The following GABRG3 variants were observed in gnomAD, a reference collection of about 807,000 sequenced individuals.
GABRG3 encodes the protein gamma-aminobutyric acid receptor subunit gamma-3.
A neutral mutation model predicts 48.8 loss-of-function variants in GABRG3; 25 were observed. The ratio of observed to expected loss-of-function variants is 0.51; its 90% CI spans 0.37 to 0.72. The LOEUF (loss-of-function observed/expected upper bound fraction) is 0.72. Among genes scored for constraint, GABRG3 ranks in the 30% least tolerant of loss-of-function variants. The pLI, the probability that GABRG3 is intolerant of heterozygous loss-of-function variation, is 0.00. For missense variants in GABRG3, 394 were observed against 577.9 expected, an observed-to-expected ratio of 0.68 and a Z score of 3.26; for synonymous variants, 227 against 217.6, an observed-to-expected ratio of 1.04 and a Z score of -0.38.
At chr15:27,404,642 T>C (rs1010242903) in intron 5 of GABRG3, among the ~76,000 whole-genome samples, 10 of 152,170 alleles carry the variant, frequency 6.6e-5, no homozygotes, top group Non-Finnish European at 1.3e-4. Flanking sequence ...GTGGGCGTTC[T>C]CTACTTGGGG....
At chr15:27,477,597 T>C (rs1461720876) in intron 5 of GABRG3, among the ~76,000 whole-genome samples, 1 of 152,174 alleles carries the variant, frequency 6.6e-6, no homozygotes, top group Non-Finnish European at 1.5e-5. Context: ...ACATGATTAA[T>C]CAATTGTAAC....
chr15:27,187,330 G>A (rs113773927), intron 3 of GABRG3, among the ~76,000 whole-genome samples: 3 of 152,106 alleles, frequency 2.0e-5, no homozygotes, highest in African/African-American at 7.2e-5. Context: ...CTGTAGCCTT[G>A]TAGTATAGTT....
chr15:27,065,704 T>C (rs531959645), intron 3 of GABRG3, among the ~76,000 whole-genome samples: 2 of 152,376 alleles, frequency 1.3e-5, no homozygotes, highest in South Asian at 4.1e-4. Context: ...CTGAGCAGCC[T>C]TCCGGCAGTC....
At chr15:27,311,252 C>T (rs1892981741) in intron 3 of GABRG3, among the ~76,000 whole-genome samples, 1 of 151,658 alleles carries the variant, frequency 6.6e-6, no homozygotes, top group Non-Finnish European at 1.5e-5. Context: ...AAACTACCCA[C>T]ATCAAAGTCA....
At chr15:27,020,774 C>T (rs1387176425) in intron 2 of GABRG3, among the ~76,000 whole-genome samples, 5 of 152,104 alleles carry the variant, frequency 3.3e-5, no homozygotes, top group East Asian at 3.9e-4. Flanking sequence ...CATTTGCTCT[C>T]GCGATGTCAC....
At chr15:27,200,010 T>A (rs1217757757) in intron 3 of GABRG3, among the ~76,000 whole-genome samples, 1 of 151,954 alleles carries the variant, frequency 6.6e-6, no homozygotes, top group Non-Finnish European at 1.5e-5. Context: ...CCTAGCTTTC[T>A]CCTTTCCTTC....
chr15:27,275,202 G>C (rs1891214000), intron 3 of GABRG3, among the ~76,000 whole-genome samples: 1 of 152,198 alleles, frequency 6.6e-6, no homozygotes, highest in African/African-American at 2.4e-5. Flanking sequence ...CAAATGTTAA[G>C]TAGATTTGCA....
chr15:27,389,418 T>G (rs182795761), intron 5 of GABRG3, among the ~76,000 whole-genome samples: 157 of 152,328 alleles, frequency 1.0e-3, no homozygotes, highest in African/African-American at 3.4e-3. Context: ...GAACACACCA[T>G]ATGCTCAAGT....
At chr15:27,254,499 T>C (rs1890552727) in intron 3 of GABRG3, among the ~76,000 whole-genome samples, 1 of 152,112 alleles carries the variant, frequency 6.6e-6, no homozygotes, top group Non-Finnish European at 1.5e-5. Flanking sequence ...TGGGGTATCT[T>C]ATACACAACA....
At chr15:27,532,134 A>G (rs1891437014) in intron 9 of GABRG3, among the ~76,000 whole-genome samples, 1 of 152,210 alleles carries the variant, frequency 6.6e-6, no homozygotes. Flanking sequence ...ATATATGTCC[A>G]TACTTACTAC....
chr15:27,329,030 C>A (rs1306570728), intron 5 of GABRG3, 142 bp downstream of exon 5: 1 of 730,476 alleles, frequency 1.4e-6, no homozygotes, highest in East Asian at 2.7e-5. Flanking sequence ...GTATTGACCA[C>A]CTGGGTGTTT....
intron 3 of GABRG3, among the ~76,000 whole-genome samples, chr15:27,087,794 A>ATG (rs10684926): frequency 0.22 from 33,641 of 150,720 alleles, 3,881 homozygotes; most frequent in Middle Eastern, 0.3. Context: ...GTGTGTATGA[A>ATG]TGTGATGTGT....
chr15:27,469,241 G>A (rs1168030432), intron 5 of GABRG3, among the ~76,000 whole-genome samples: 1 of 152,122 alleles, frequency 6.6e-6, no homozygotes, highest in African/African-American at 2.4e-5. Flanking sequence ...TGCCATTTCT[G>A]CAGTTGTCTT....
At chr15:27,529,608 G>A (rs917982823) in intron 9 of GABRG3, among the ~76,000 whole-genome samples, 1 of 150,780 alleles carries the variant, frequency 6.6e-6, no homozygotes. Flanking sequence ...AGTGTGGATC[G>A]TGATAGTTCT....
intron 3 of GABRG3, among the ~76,000 whole-genome samples, chr15:27,158,784 T>TG (rs937630361): frequency 1.3e-5 from 2 of 152,224 alleles, no homozygotes; most frequent in African/African-American, 4.8e-5. Context: ...CCATGTCATG[T>TG]GGGGAATACC....
At chr15:27,142,942 A>T (rs976338167) in intron 3 of GABRG3, among the ~76,000 whole-genome samples, 1 of 151,988 alleles carries the variant, frequency 6.6e-6, no homozygotes, top group Non-Finnish European at 1.5e-5. Context: ...ATTTGTAGAG[A>T]TAAGGTTTTG....
At chr15:27,329,523 C>T (rs1365225393) in intron 5 of GABRG3, among the ~76,000 whole-genome samples, 1 of 152,250 alleles carries the variant, frequency 6.6e-6, no homozygotes, top group East Asian at 1.9e-4. Flanking sequence ...CCTCGGCCTC[C>T]CAAAGTGCTG....
At chr15:27,286,157 G>C (rs182143354) in intron 3 of GABRG3, among the ~76,000 whole-genome samples, 53 of 152,292 alleles carry the variant, frequency 3.5e-4, no homozygotes, top group African/African-American at 1.3e-3. Flanking sequence ...AGCATTTTCT[G>C]AATTCTTCCA....
chr15:27,018,822 A>T (rs1401066136), intron 2 of GABRG3, among the ~76,000 whole-genome samples: 1 of 152,118 alleles, frequency 6.6e-6, no homozygotes, highest in Non-Finnish European at 1.5e-5. Context: ...TGCTTATCCC[A>T]TGTACCTTTT....
Sources: allele counts gnomAD v4.1 joint callset (sites outside exome capture counted in the v4.1 genomes callset), GRCh38; gene constraint gnomAD v4.1.1; transcripts MANE v1.5; gene names NCBI Gene and HGNC (gene_info 2026-07-23, HGNC 2026-07-21).